Variants in EI24 observed in about 807,000 individuals in gnomAD.
EI24 encodes the protein etoposide-induced protein 2.4 homolog.
EI24 carries 21 observed loss-of-function variants against 48.6 expected under a neutral mutation model. The ratio of observed to expected loss-of-function variants is 0.43; its 90% confidence interval spans 0.31 to 0.62. EI24 has a LOEUF of 0.62. Among genes scored for constraint, EI24 ranks in the 20% least tolerant of loss-of-function variants. The probability of loss-of-function intolerance (pLI) is 0.10; values close to 1 mark genes in which losing one functional copy is unlikely to be tolerated. For synonymous variants in EI24, 114 were observed against 145.5 expected (o/e 0.78, Z 1.56); for missense variants, 280 against 410.5 (o/e 0.68, Z 2.75).
At chr11:125,578,346 A>AG (rs1938836826) in intron 6 of EI24, 89 bp downstream of exon 6, 1 of 1,552,674 alleles carries the variant, frequency 6.4e-7, no homozygotes. Context: ...GTGGGCATGT[A>AG]GGGGGACCTG....
intron 2 of EI24, chr11:125,573,313 A>C (rs892320259): frequency 6.1e-6 from 1 of 162,666 alleles, no homozygotes; most frequent in African/African-American, 2.4e-5. Context: ...TACCAATAGC[A>C]CAAAAGTCTG....
Position 125,569,509 on chromosome 11 carries a change from G to T in EI24, c.-135G>T, listed in dbSNP as rs1474909899. Reference sequence around the variant, plus strand: ...GCGCAGCGGCCCCGGCCCTGGAAGCGCCCCGGCGGAGCTGGCCTGCGGTGG... The same window carrying T: ...GCGCAGCGGCCCCGGCCCTGGAAGCTCCCCGGCGGAGCTGGCCTGCGGTGG... On this transcript the variant is annotated 5_prime_UTR_variant, in exon 1 of 11. Transcript: ENST00000278903. The T allele has an allele frequency of 5.2e-6, 2 of 384,150 alleles. No individual in the cohort carries two copies. The highest frequency in any genetic ancestry group is 9.2e-6 in the Non-Finnish European group (2 of 216,824). 23.8% of individuals were successfully genotyped at this position (384,150 alleles called of 1,614,324 possible). A position where few individuals can be genotyped will look rare whatever the true frequency, so the allele number is the denominator to read the frequency against.
In EI24 at chr11:125,575,381, C is replaced by A; in HGVS notation, c.161C>A (p.Ala54Asp). ...AGTAGTGTCTTGGCACAGAGAAGAG[C>A]CCAGAGTATAGAGCGGAAGCAAGAG... ...RASSVLAQRR[A>D]QSIERKQESE... Residue 54 changes from alanine (A) to aspartate (D), a missense_variant, in exon 3 of 11, where the codon GCC (alanine) becomes GAC (aspartate). By Grantham distance (126) the Ala-to-Asp change is moderately radical. Coordinates refer to ENST00000278903, the MANE Select transcript of EI24 (RefSeq NM_004879.5). The A allele has an allele frequency of 6.3e-7, 1 of 1,594,388 alleles. No homozygotes were observed. Among genetic ancestry groups the A allele is most frequent in the Non-Finnish European group, 8.5e-7 (1 of 1,170,310 alleles).
chr11:125,582,471 T>C, intron 10 of EI24, 51 bp downstream of exon 10: 1 of 1,345,440 alleles, frequency 7.4e-7, no homozygotes, highest in South Asian at 1.4e-5. Flanking sequence ...GTTGGGGCTG[T>C]AACACCAGTT....
intron 3 of EI24, chr11:125,576,033 GCCTA>G (rs1938736599): frequency 3.8e-6 from 2 of 523,938 alleles, no homozygotes; most frequent in Admixed American, 6.3e-5. Flanking sequence ...TCAGTTGATC[GCCTA>G]CCACGGCCTC....
chr11:125,570,526 T>G (rs1310247751), intron 1 of EI24: 1 of 152,214 alleles, frequency 6.6e-6, no homozygotes, highest in African/African-American at 2.4e-5. Context: ...TCCTGCCACT[T>G]GGTACATGCA....
intron 1 of EI24, 138 bp from the exon 2 acceptor site, chr11:125,572,320 G>C (rs1290252178): frequency 5.5e-6 from 3 of 544,642 alleles, no homozygotes; most frequent in Non-Finnish European, 9.8e-6. Flanking sequence ...AGCTTCACTT[G>C]ATTCACTCTA....
In EI24 at chr11:125,572,466, T is replaced by C; in HGVS notation, c.-62T>C. 1 of 1,489,082 alleles carries C rather than the reference T, an allele frequency of 6.7e-7. No individual in the cohort carries two copies. The highest frequency in any genetic ancestry group is 9.4e-7 in the Non-Finnish European group (1 of 1,069,232). The allele number at this position is 1,489,082 out of a possible 1,614,324, so 92.2% of individuals were successfully genotyped here. A position where few individuals can be genotyped will look rare whatever the true frequency, so the allele number is the denominator to read the frequency against. ...GTTCCATCTGTTTCCAGATCCTTCA[T>C]GATGAGAGATTTGGGGACACTTCTC... On this transcript the variant is annotated 5_prime_UTR_variant, in exon 2 of 11. The change abolishes an upstream ATG in the 5' untranslated region. Transcript: ENST00000278903.
At chr11:125,580,295 T>C in intron 8 of EI24, 91 bp downstream of exon 8, 1 of 957,538 alleles carries the variant, frequency 1.0e-6, no homozygotes, top group Non-Finnish European at 1.7e-6. Flanking sequence ...TAGTCAGGCT[T>C]TTGGCAAACA....
chr11:125,577,669 T>C (rs1273091490), intron 5 of EI24, 99 bp downstream of exon 5: 7 of 993,160 alleles, frequency 7.0e-6, no homozygotes, highest in Non-Finnish European at 1.1e-5. Flanking sequence ...ACCAGGAGCT[T>C]TCACTGTTTA....
chr11:125,574,698 G>A (rs921061514), intron 2 of EI24: 1 of 152,248 alleles, frequency 6.6e-6, no homozygotes, highest in African/African-American at 2.4e-5. Context: ...TACATCTGTT[G>A]TGGCACTTAC....
intron 2 of EI24, chr11:125,574,819 A>G (rs1938670543): frequency 6.5e-6 from 1 of 153,272 alleles, no homozygotes; most frequent in African/African-American, 2.4e-5. Flanking sequence ...TCATATTTAA[A>G]AACTTTTTTA....
chr11:125,577,925 A>G (rs78890235), intron 5 of EI24: 650 of 629,934 alleles, frequency 1.0e-3, no homozygotes, highest in African/African-American at 1.5e-3. Flanking sequence ...CAAGCAGCAC[A>G]TATCTATGGT....
chr11:125,573,579 A>G, intron 2 of EI24: 1 of 271,920 alleles, frequency 3.7e-6, no homozygotes, highest in Non-Finnish European at 7.7e-6. Flanking sequence ...AGTGCACTAT[A>G]GCAGGGCAAG....
intron 1 of EI24, 197 bp downstream of exon 1, chr11:125,569,770 C>T (rs1299018423): frequency 3.4e-6 from 1 of 297,088 alleles, no homozygotes; most frequent in Non-Finnish European, 6.2e-6. Context: ...TGCGGCGCAG[C>T]TATCTTTAGC....
At chr11:125,581,160 C>A in intron 8 of EI24, 51 bp from the exon 9 acceptor site, 1 of 1,213,846 alleles carries the variant, frequency 8.2e-7, no homozygotes, top group Non-Finnish European at 1.2e-6. Flanking sequence ...TACTTAGTCA[C>A]TTGACTAAAA....
At chr11:125,578,018 C>A in intron 5 of EI24, 115 bp from the exon 6 acceptor site, 1 of 1,272,752 alleles carries the variant, frequency 7.9e-7, no homozygotes, top group Non-Finnish European at 1.1e-6. Context: ...GATGTGCTGG[C>A]AAGAACTAGA....
intron 2 of EI24, chr11:125,574,690 C>T (rs963093647): frequency 1.3e-5 from 2 of 152,218 alleles, no homozygotes; most frequent in Non-Finnish European, 2.9e-5. Context: ...TTGGGCCATA[C>T]ATCTGTTGTG....
Position 125,584,436 on chromosome 11 carries a change from AC to A in EI24, c.*755del, listed in dbSNP as rs1260913061. 6.6e-6 allele frequency: 1 copy of A among 152,606 alleles called. No individual in the cohort carries two copies. Among genetic ancestry groups the A allele is most frequent in the Non-Finnish European group, 1.5e-5 (1 of 68,038 alleles). 9.5% of individuals were successfully genotyped at this position (152,606 alleles called of 1,614,324 possible). On this transcript the variant is annotated 3_prime_UTR_variant, in exon 11 of 11. Coordinates refer to ENST00000278903, the MANE Select transcript of EI24 (RefSeq NM_004879.5). Reference sequence around the variant, plus strand: ...ACAAGTGCCACTACAACAACACTAAACCTGAACTTTTCAACTCCGTTGGTGG... The same window carrying A: ...ACAAGTGCCACTACAACAACACTAAACTGAACTTTTCAACTCCGTTGGTGG...
Sources: allele counts gnomAD v4.1 joint callset, GRCh38; gene constraint gnomAD v4.1.1; transcripts MANE v1.5; gene names NCBI Gene and HGNC (gene_info 2026-07-23, HGNC 2026-07-21).